SESN1: variants seen among roughly 807,000 people sequenced by gnomAD.
SESN1 encodes the protein sestrin-1.
In SESN1, 30 loss-of-function variants were observed where a neutral mutation model predicts 59.3. That is an observed-to-expected ratio of 0.51 (90% CI 0.38 to 0.69). The LOEUF (loss-of-function observed/expected upper bound fraction) is 0.69. SESN1 is among the 30% of genes least tolerant of loss of function. SESN1 has a pLI of 0.00. For synonymous variants in SESN1, 197 were observed against 219.9 expected (o/e 0.90, Z 0.92); for missense variants, 566 against 673.0 (o/e 0.84, Z 1.76).
At position 109,094,059 on chromosome 6, in the gene SESN1, C is replaced by G. The variant is rs980983033; in HGVS notation, c.15G>C (p.Glu5Asp). 1.9e-6 allele frequency: 3 copies of G among 1,613,398 alleles called. No individual in the cohort carries two copies. The African/African-American group carries it at 4.0e-5, about 22-fold the overall frequency. MAEG[E>D]NEVRWDGLCS... ...AGAGTCCATCCCATCTCACTTCATTCTCTCCTTCAGCCATGACAATAGTTT... is the reference window on the plus strand; with the variant it reads ...AGAGTCCATCCCATCTCACTTCATTGTCTCCTTCAGCCATGACAATAGTTT... Residue 5 changes from glutamate (E) to aspartate (D), a missense_variant, in exon 1 of 10, where the codon GAG (glutamate) becomes GAC (aspartate). By Grantham distance (45) the Glu-to-Asp change is conservative. Transcript: ENST00000436639.
intron 1 of SESN1, among the ~76,000 whole-genome samples, chr6:109,092,776 T>A (rs921686510): frequency 6.6e-6 from 1 of 152,202 alleles, no homozygotes; most frequent in African/African-American, 2.4e-5. Flanking sequence ...CTCGGGTAAC[T>A]CTGAATTGTA....
At chr6:109,012,567 GGAATGGTGGTT>G (rs1779876580) in intron 1 of SESN1, among the ~76,000 whole-genome samples, 1 of 152,110 alleles carries the variant, frequency 6.6e-6, no homozygotes, top group South Asian at 2.1e-4. Context: ...CTCTGCACTT[GGAATGGTGGTT>G]CAAGATAGGC....
At chr6:109,009,509 A>C in intron 1 of SESN1, 2 of 1,203,088 alleles carry the variant, frequency 1.7e-6, no homozygotes, top group Non-Finnish European at 2.1e-6. Context: ...AGCGCTGGGC[A>C]GCCGGCCGCG....
chr6:109,026,653 C>T (rs1046072361), intron 1 of SESN1, among the ~76,000 whole-genome samples: 7 of 151,914 alleles, frequency 4.6e-5, no homozygotes, highest in African/African-American at 7.2e-5. Context: ...TACAGGCGTG[C>T]GCCACCATGC....
intron 1 of SESN1, among the ~76,000 whole-genome samples, chr6:109,048,095 AAAAT>A (rs1167249434): frequency 1.5e-5 from 2 of 132,296 alleles, no homozygotes; most frequent in East Asian, 4.0e-4. Context: ...TATCAATAAA[AAAAT>A]AAATTAAAAA....
intron 1 of SESN1, among the ~76,000 whole-genome samples, chr6:109,077,261 T>C (rs1403996118): frequency 1.3e-5 from 2 of 152,302 alleles, no homozygotes; most frequent in South Asian, 2.1e-4. Flanking sequence ...AAATAATACA[T>C]GCTCACTGTA....
At chr6:109,050,309 T>A (rs1780522822) in intron 1 of SESN1, among the ~76,000 whole-genome samples, 1 of 150,412 alleles carries the variant, frequency 6.6e-6, no homozygotes, top group Non-Finnish European at 1.5e-5. Flanking sequence ...TAAGTAGCAG[T>A]CAAAACATTC....
intron 1 of SESN1, among the ~76,000 whole-genome samples, chr6:109,058,748 C>T (rs573363955): frequency 2.0e-5 from 3 of 151,914 alleles, no homozygotes; most frequent in Non-Finnish European, 4.4e-5. Flanking sequence ...AGAAAAATGA[C>T]AGGAAATCCC....
intron 1 of SESN1, among the ~76,000 whole-genome samples, chr6:109,087,440 C>G (rs529904920): frequency 6.6e-6 from 1 of 152,140 alleles, no homozygotes; most frequent in Non-Finnish European, 1.5e-5. Flanking sequence ...CTCTGAGCCT[C>G]AAAAGCAAGG....
intron 1 of SESN1, among the ~76,000 whole-genome samples, chr6:109,084,036 T>C (rs1265757695): frequency 6.6e-6 from 1 of 152,190 alleles, no homozygotes; most frequent in Non-Finnish European, 1.5e-5. Context: ...TTACTGAATA[T>C]TACAATAAAA....
chr6:109,053,726 G>A (rs1780581431), intron 1 of SESN1, among the ~76,000 whole-genome samples: 1 of 152,152 alleles, frequency 6.6e-6, no homozygotes, highest in Admixed American at 6.5e-5. Flanking sequence ...AAACACTTAA[G>A]GGAAAGAAAA....
rs17070108 is a variant in SESN1 at position 108,988,799 on chromosome 6, G to C, written c.1425-112C>G. 565 of 799,640 alleles carry C rather than the reference G, an allele frequency of 7.1e-4. 2 individuals are homozygous for C. In the African/African-American group the frequency reaches 9.0e-3, roughly 13 times the overall value. 49.5% of individuals were successfully genotyped at this position (799,640 alleles called of 1,614,324 possible). On this transcript the variant is annotated intron_variant, in intron 8 of 9. Transcript: ENST00000436639. ...CTGTATTTTTTCTCTCTTTGTGTAGGCAGCTGTCCCCAAAAATGATAGAGC... is the reference window on the plus strand; with the variant it reads ...CTGTATTTTTTCTCTCTTTGTGTAGCCAGCTGTCCCCAAAAATGATAGAGC...
intron 1 of SESN1, among the ~76,000 whole-genome samples, chr6:109,023,366 T>C (rs1780040405): frequency 6.6e-6 from 1 of 152,260 alleles, no homozygotes. Context: ...TTGTAAATGT[T>C]ATCATGCTGA....
At chr6:109,074,892 A>G (rs1408569719) in intron 1 of SESN1, among the ~76,000 whole-genome samples, 2 of 152,238 alleles carry the variant, frequency 1.3e-5, no homozygotes, top group African/African-American at 4.8e-5. Context: ...GAAGTAAAAC[A>G]TTTCCTAAAG....
At chr6:109,003,549 C>G (rs1779670731) in intron 1 of SESN1, among the ~76,000 whole-genome samples, 1 of 152,148 alleles carries the variant, frequency 6.6e-6, no homozygotes, top group Admixed American at 6.5e-5. Context: ...TATTTGCCAA[C>G]AGAATTCATA....
At chr6:109,034,773 C>T (rs573891639) in intron 1 of SESN1, among the ~76,000 whole-genome samples, 1 of 152,292 alleles carries the variant, frequency 6.6e-6, no homozygotes, top group South Asian at 2.1e-4. Flanking sequence ...ATGTGATGGC[C>T]AGAGCTGGAG....
intron 1 of SESN1, among the ~76,000 whole-genome samples, chr6:109,062,887 T>A (rs1780753461): frequency 6.6e-6 from 1 of 152,190 alleles, no homozygotes; most frequent in Non-Finnish European, 1.5e-5. Flanking sequence ...GTGGTCTCTC[T>A]CTCTCTCAAA....
intron 1 of SESN1, among the ~76,000 whole-genome samples, chr6:109,004,920 T>A (rs1297466008): frequency 2.0e-5 from 3 of 152,210 alleles, no homozygotes; most frequent in Non-Finnish European, 4.4e-5. Context: ...GAAACTGTCA[T>A]TAATTGTTTA....
At chr6:109,002,149 T>C (rs1440011351) in intron 2 of SESN1, 129 bp downstream of exon 2, 2 of 700,556 alleles carry the variant, frequency 2.9e-6, no homozygotes, top group Non-Finnish European at 2.5e-6. Context: ...TGCCAAAGAA[T>C]GATTAACTGC....
Sources: gnomAD v4.1 joint callset for allele counts (sites outside exome capture counted in the v4.1 genomes callset) on GRCh38, gnomAD v4.1.1 for gene constraint, MANE v1.5 for transcripts, NCBI Gene and HGNC (gene_info 2026-07-23, HGNC 2026-07-21) for gene names.